MCTP1: variants seen among roughly 807,000 people sequenced by gnomAD.
MCTP1 encodes the protein multiple C2 and transmembrane domain containing 1.
MCTP1 carries 69 observed loss-of-function variants against 120.6 expected under a neutral mutation model. The ratio of observed to expected loss-of-function variants is 0.57; its 90% CI spans 0.47 to 0.70. The LOEUF is 0.70. Ranked by LOEUF, MCTP1 falls within the 30% of genes least tolerant of loss-of-function variation. The pLI is 0.00. For missense variants in MCTP1, 1,203 were observed against 1,248.8 expected, an observed-to-expected ratio of 0.96 and a Z score of 0.55; for synonymous variants, 529 against 493.1, an observed-to-expected ratio of 1.07 and a Z score of -0.96.
At chr5:94,775,417 C>G (rs1262679365) in intron 19 of MCTP1, among the ~76,000 whole-genome samples, 2 of 152,148 alleles carry the variant, frequency 1.3e-5, no homozygotes. Flanking sequence ...GTATTATTAT[C>G]TATAACATGG....
chr5:95,184,171 AAGG>A (rs1276895664), intron 1 of MCTP1, among the ~76,000 whole-genome samples: 1 of 152,150 alleles, frequency 6.6e-6, no homozygotes, highest in Non-Finnish European at 1.5e-5. Context: ...ATAATAAAAA[AAGG>A]AGTTTGGCAC....
At position 95,027,525 on chromosome 5, in the gene MCTP1, A is replaced by G. The variant is rs541660528; in HGVS notation, c.721-10041T>C. On this transcript the variant is annotated intron_variant, in intron 1 of 22. Transcript: ENST00000515393. ...GGCCACGTGTAACCTCAAGTCAGGA[A>G]ACAGATGCTATAATTAGCAGAAGTA... Among the ~76,000 whole-genome samples, 6 of 152,332 alleles carry G rather than the reference A, an allele frequency of 3.9e-5. No individual in the cohort carries two copies. The South Asian group carries it at 1.0e-3, about 26-fold the overall frequency.
intron 17 of MCTP1, among the ~76,000 whole-genome samples, chr5:94,818,680 C>T (rs1033402898): frequency 6.6e-6 from 1 of 152,204 alleles, no homozygotes; most frequent in African/African-American, 2.4e-5. Flanking sequence ...GTGGTAGAAA[C>T]TTTAATGAAG....
intron 9 of MCTP1, among the ~76,000 whole-genome samples, chr5:94,910,164 G>T (rs545814211): frequency 1.1e-4 from 11 of 100,594 alleles, no homozygotes; most frequent in Admixed American, 3.0e-4. Flanking sequence ...ATATGTATAT[G>T]CATGTATACA....
chr5:95,004,810 G>A (rs1393761745), intron 2 of MCTP1, among the ~76,000 whole-genome samples: 1 of 152,188 alleles, frequency 6.6e-6, no homozygotes, highest in East Asian at 1.9e-4. Flanking sequence ...GAGTCCCCAT[G>A]GAGAACCTCT....
intron 18 of MCTP1, among the ~76,000 whole-genome samples, chr5:94,786,746 G>GT (rs1192276233): frequency 6.6e-6 from 1 of 151,074 alleles, no homozygotes; most frequent in African/African-American, 2.5e-5. Flanking sequence ...TAACCTTTAG[G>GT]TAAGATTTAT....
chr5:95,033,868 G>T (rs1189721785), intron 1 of MCTP1, among the ~76,000 whole-genome samples: 1 of 152,046 alleles, frequency 6.6e-6, no homozygotes, highest in African/African-American at 2.4e-5. Context: ...TGAATTCAGT[G>T]AAGTTTCAGG....
chr5:94,734,496 A>G (rs187415590), intron 19 of MCTP1, among the ~76,000 whole-genome samples: 27 of 152,350 alleles, frequency 1.8e-4, no homozygotes, highest in African/African-American at 6.5e-4. Flanking sequence ...ATGGGATTCA[A>G]TGAAGAAGTC....
intron 1 of MCTP1, among the ~76,000 whole-genome samples, chr5:95,228,948 A>G (rs1379869866): frequency 1.3e-5 from 2 of 152,218 alleles, no homozygotes; most frequent in African/African-American, 4.8e-5. Context: ...CTGTGAGCCA[A>G]TTAAGCCTCT....
intron 1 of MCTP1, chr5:95,068,921 A>T: frequency 3.3e-5 from 16 of 488,714 alleles, no homozygotes; most frequent in East Asian, 1.1e-4. Context: ...AAAGCGAATT[A>T]GGCTTAGTTC....
At chr5:94,950,628 T>A (rs1160394994) in intron 3 of MCTP1, among the ~76,000 whole-genome samples, 2 of 152,130 alleles carry the variant, frequency 1.3e-5, no homozygotes, top group African/African-American at 4.8e-5. Flanking sequence ...TGTATATTCT[T>A]GCTCTCAAGT....
intron 1 of MCTP1, among the ~76,000 whole-genome samples, chr5:95,181,324 C>T (rs567720218): frequency 3.9e-5 from 6 of 152,312 alleles, no homozygotes; most frequent in Admixed American, 6.5e-5. Flanking sequence ...TCTAGCTACA[C>T]GTCTACATTC....
chr5:94,764,333 A>G (rs542570613), intron 19 of MCTP1, among the ~76,000 whole-genome samples: 2 of 152,340 alleles, frequency 1.3e-5, no homozygotes, highest in South Asian at 4.1e-4. Context: ...CATTGATAAG[A>G]ACCTAATTGA....
rs529644933 is a variant in MCTP1, at chr5:94,704,980, T to A, written c.*2516A>T. The A allele has an allele frequency of 6.6e-6, 1 of 151,274 alleles. No individual in the cohort carries two copies. The highest frequency in any genetic ancestry group is 2.1e-4 in the South Asian group (1 of 4,822). 9.4% of individuals were successfully genotyped at this position (151,274 alleles called of 1,614,324 possible). A position where few individuals can be genotyped will look rare whatever the true frequency, so the allele number is the denominator to read the frequency against. ...TAAAAGCACAAATACGCATTTCTTA[T>A]GAATTATCACAACGAATGTCAGTAA... is the stretch of plus-strand genomic sequence containing the variant. On this transcript the variant is annotated 3_prime_UTR_variant, in exon 23 of 23. Coordinates refer to ENST00000515393, the MANE Select transcript of MCTP1 (RefSeq NM_024717.7).
intron 19 of MCTP1, among the ~76,000 whole-genome samples, chr5:94,744,133 G>A (rs976754128): frequency 1.9e-4 from 29 of 151,994 alleles, no homozygotes; most frequent in Admixed American, 5.2e-4. Flanking sequence ...ACCACACCCA[G>A]CTAATGTTAT....
chr5:94,766,294 C>T (rs920178647), intron 19 of MCTP1, among the ~76,000 whole-genome samples: 7 of 152,124 alleles, frequency 4.6e-5, no homozygotes, highest in Non-Finnish European at 1.0e-4. Context: ...CAATGATAGA[C>T]TGGATTAAGA....
intron 17 of MCTP1, among the ~76,000 whole-genome samples, chr5:94,847,388 A>C (rs1792634007): frequency 6.6e-6 from 1 of 152,134 alleles, no homozygotes; most frequent in Non-Finnish European, 1.5e-5. Context: ...ACCTGCTCTA[A>C]GTCTTTTTCT....
At chr5:94,782,448 G>A (rs550924842) in intron 18 of MCTP1, among the ~76,000 whole-genome samples, 11 of 152,014 alleles carry the variant, frequency 7.2e-5, no homozygotes, top group Non-Finnish European at 1.5e-4. Flanking sequence ...TTGAGGACAA[G>A]AGTGTCTCAG....
At chr5:95,259,645 G>C (rs773200334) in intron 1 of MCTP1, among the ~76,000 whole-genome samples, 1 of 152,054 alleles carries the variant, frequency 6.6e-6, no homozygotes, top group Non-Finnish European at 1.5e-5. Flanking sequence ...CAGATCCTAC[G>C]AGTGGCAATA....
Sources: gnomAD v4.1 joint callset for allele counts (sites outside exome capture counted in the v4.1 genomes callset) on GRCh38, gnomAD v4.1.1 for gene constraint, MANE v1.5 for transcripts, NCBI Gene and HGNC (gene_info 2026-07-23, HGNC 2026-07-21) for gene names.